Variants in RNLS observed in about 807,000 individuals in gnomAD.
RNLS encodes renalase.
RNLS carries 39 observed loss-of-function variants against 39.8 expected under a neutral mutation model. The observed-to-expected ratio is 0.98, with a 90% confidence interval of 0.76 to 1.28. RNLS has a LOEUF of 1.28. Ranked by LOEUF, RNLS falls within the 50% of genes most tolerant of loss-of-function variation. The pLI is 0.00. For missense variants in RNLS, 410 were observed against 413.3 expected, an observed-to-expected ratio of 0.99 and a Z score of 0.07; for synonymous variants, 147 against 150.7, an observed-to-expected ratio of 0.98 and a Z score of 0.18.
At chr10:88,537,374 C>T (rs1005193560) in intron 4 of RNLS, among the ~76,000 whole-genome samples, 16 of 152,202 alleles carry the variant, frequency 1.1e-4, no homozygotes, top group South Asian at 1.0e-3. Flanking sequence ...CAGAAATATA[C>T]ACAAATTGTT....
At chr10:88,226,721 A>T in the RNLS span, among the ~76,000 whole-genome samples, 301 of 148,828 alleles carry the variant, frequency 2.0e-3, no homozygotes, top group African/African-American at 6.9e-3. Flanking sequence ...CTCTGAATTA[A>T]AATTCTTCTC....
At chr10:88,421,054 G>C (rs1463234500) in intron 4 of RNLS, among the ~76,000 whole-genome samples, 1 of 152,218 alleles carries the variant, frequency 6.6e-6, no homozygotes, top group Non-Finnish European at 1.5e-5. Context: ...TGTTTCATGG[G>C]ATAAGAAAAG....
At chr10:88,239,301 T>C in the RNLS span, among the ~76,000 whole-genome samples, 2 of 152,190 alleles carry the variant, frequency 1.3e-5, no homozygotes, top group Non-Finnish European at 2.9e-5. Flanking sequence ...TCCTTTGTCC[T>C]GCTGTGGATC....
chr10:88,327,729 A>G (rs1846731228), intron 5 of RNLS, among the ~76,000 whole-genome samples: 1 of 152,098 alleles, frequency 6.6e-6, no homozygotes, highest in Non-Finnish European at 1.5e-5. Flanking sequence ...TAGGTATTGA[A>G]TTGACATTTT....
chr10:88,365,922 C>T (rs923340524), intron 4 of RNLS, among the ~76,000 whole-genome samples: 1 of 152,040 alleles, frequency 6.6e-6, no homozygotes, highest in South Asian at 2.1e-4. Flanking sequence ...TAAAAGAAGG[C>T]TAATAATACA....
the RNLS span, among the ~76,000 whole-genome samples, chr10:88,192,193 G>C: frequency 1.3e-5 from 2 of 151,942 alleles, no homozygotes; most frequent in Non-Finnish European, 2.9e-5. Context: ...ATGCACCACG[G>C]GACCTTGCTG....
intron 4 of RNLS, among the ~76,000 whole-genome samples, chr10:88,383,315 G>A (rs1851662903): frequency 1.3e-5 from 2 of 151,960 alleles, no homozygotes; most frequent in Non-Finnish European, 2.9e-5. Flanking sequence ...GAATAGTTTT[G>A]GAAATGAGCT....
intron 4 of RNLS, among the ~76,000 whole-genome samples, chr10:88,414,065 T>A (rs1853863864): frequency 6.6e-6 from 1 of 152,186 alleles, no homozygotes; most frequent in Admixed American, 6.6e-5. Context: ...ATACATACTT[T>A]CCATTTTAAA....
chr10:88,406,530 G>C (rs189183842), intron 4 of RNLS, among the ~76,000 whole-genome samples: 1 of 152,014 alleles, frequency 6.6e-6, no homozygotes, highest in East Asian at 1.9e-4. Context: ...AGACTTTCCA[G>C]AGCATTTCAC....
chr10:88,239,941 CA>C, the RNLS span, among the ~76,000 whole-genome samples: 1 of 152,018 alleles, frequency 6.6e-6, no homozygotes, highest in Non-Finnish European at 1.5e-5. Context: ...TATTGAGGAC[CA>C]AAATATTATA....
intron 4 of RNLS, among the ~76,000 whole-genome samples, chr10:88,407,259 C>T (rs544474072): frequency 6.6e-6 from 1 of 152,114 alleles, no homozygotes; most frequent in Admixed American, 6.6e-5. Context: ...CGCCAGCCCA[C>T]TACCAATGAA....
intron 6 of RNLS, among the ~76,000 whole-genome samples, chr10:88,314,031 TTAA>T (rs1461631411): frequency 6.6e-6 from 1 of 152,162 alleles, no homozygotes; most frequent in East Asian, 1.9e-4. Context: ...AAGTGGAAAC[TTAA>T]TAAAAATGAA....
the RNLS span, among the ~76,000 whole-genome samples, chr10:88,220,323 G>A: frequency 1.2e-3 from 188 of 152,214 alleles, no homozygotes; most frequent in African/African-American, 4.1e-3. Context: ...TTTTGGGGTG[G>A]GCAGGGTCAA....
intron 4 of RNLS, among the ~76,000 whole-genome samples, chr10:88,378,769 G>C (rs1329901495): frequency 6.6e-6 from 1 of 152,180 alleles, no homozygotes; most frequent in Non-Finnish European, 1.5e-5. Flanking sequence ...AAAATGGACT[G>C]TTTCCTTCAT....
rs567837604 is a variant in RNLS at position 88,423,226 on chromosome 10, G to T, written c.527-60501C>A. ...CCCTAGTGGTACTGTTAATGACCCT[G>T]ACTTGTAAAGAATGGCATGATTAGG... On this transcript the variant is annotated intron_variant, in intron 4 of 6. Transcript: ENST00000331772. 2.0e-5 allele frequency among the ~76,000 whole-genome samples: 3 copies of T among 152,288 alleles called. No homozygotes were observed. The East Asian group carries it at 5.8e-4, about 29-fold the overall frequency.
At chr10:88,556,226 T>A (rs1848867399) in intron 4 of RNLS, among the ~76,000 whole-genome samples, 2 of 152,130 alleles carry the variant, frequency 1.3e-5, no homozygotes, top group African/African-American at 2.4e-5. Context: ...TATCTATACA[T>A]CAGCAAATCC....
intron 4 of RNLS, among the ~76,000 whole-genome samples, chr10:88,455,840 A>G (rs925884925): frequency 6.6e-6 from 1 of 152,224 alleles, no homozygotes; most frequent in Non-Finnish European, 1.5e-5. Context: ...AAACAAAACA[A>G]AACAAAACAA....
At chr10:88,182,560 A>G in the RNLS span, among the ~76,000 whole-genome samples, 1 of 152,176 alleles carries the variant, frequency 6.6e-6, no homozygotes, top group Non-Finnish European at 1.5e-5. Flanking sequence ...CCATTCCAGC[A>G]TTCTTTTAAA....
chr10:88,562,395 G>GT (rs1168314905), intron 4 of RNLS, among the ~76,000 whole-genome samples: 2 of 152,102 alleles, frequency 1.3e-5, no homozygotes, highest in African/African-American at 4.8e-5. Flanking sequence ...CTAAAATAAT[G>GT]TTGAGTAAAT....
Sources: allele counts gnomAD v4.1 joint callset (sites outside exome capture counted in the v4.1 genomes callset), GRCh38; gene constraint gnomAD v4.1.1; transcripts MANE v1.5; gene names NCBI Gene and HGNC (gene_info 2026-07-23, HGNC 2026-07-21).